The following NELL1 variants were observed in gnomAD, a reference collection of about 807,000 sequenced individuals.
The protein encoded by NELL1 is protein kinase C-binding protein NELL1.
Under a neutral mutation model 107.4 loss-of-function variants are expected in NELL1, and 76 were observed. The ratio of observed to expected loss-of-function variants is 0.71; its 90% CI spans 0.59 to 0.86. The LOEUF (loss-of-function observed/expected upper bound fraction) is 0.86. Ranked by LOEUF, NELL1 falls within the 40% of genes least tolerant of loss-of-function variation. NELL1 has a pLI of 0.00. For synonymous variants in NELL1, 353 were observed against 341.2 expected, an observed-to-expected ratio of 1.03 and a Z score of -0.38; for missense variants, 1,024 against 1,005.5, an observed-to-expected ratio of 1.02 and a Z score of -0.25.
At chr11:20,893,801 C>T (rs868515448) in intron 5 of NELL1, among the ~76,000 whole-genome samples, 2 of 141,590 alleles carry the variant, frequency 1.4e-5, no homozygotes, top group South Asian at 4.4e-4. Flanking sequence ...TTGTATATTG[C>T]TTACAGTGAA....
chr11:21,019,672 C>A (rs1852652841), intron 12 of NELL1, among the ~76,000 whole-genome samples: 1 of 151,976 alleles, frequency 6.6e-6, no homozygotes, highest in African/African-American at 2.4e-5. Context: ...GAGAAGCTCC[C>A]AACAACAACA....
intron 10 of NELL1, among the ~76,000 whole-genome samples, chr11:20,944,073 A>C (rs1471193467): frequency 1.3e-5 from 2 of 152,304 alleles, no homozygotes; most frequent in Non-Finnish European, 2.9e-5. Flanking sequence ...TGCCCTATGG[A>C]ATCTGTTGTA....
chr11:20,737,836 A>G (rs1456352398), intron 2 of NELL1, among the ~76,000 whole-genome samples: 1 of 151,798 alleles, frequency 6.6e-6, no homozygotes. Context: ...GTGGAGAAAA[A>G]ATCAAATTTA....
At chr11:21,464,892 TGCCATTCACTG>T (rs1325667991) in intron 15 of NELL1, among the ~76,000 whole-genome samples, 1 of 152,176 alleles carries the variant, frequency 6.6e-6, no homozygotes, top group Non-Finnish European at 1.5e-5. Flanking sequence ...TTAGAAATAC[TGCCATTCACTG>T]GCCTTCACAG....
At chr11:21,315,669 C>A (rs977736907) in intron 14 of NELL1, among the ~76,000 whole-genome samples, 2 of 152,174 alleles carry the variant, frequency 1.3e-5, no homozygotes, top group African/African-American at 4.8e-5. Flanking sequence ...ATGATTGCCA[C>A]ATTTATGGAG....
intron 4 of NELL1, among the ~76,000 whole-genome samples, chr11:20,855,271 T>A (rs913684032): frequency 1.1e-4 from 16 of 151,892 alleles, no homozygotes; most frequent in African/African-American, 3.9e-4. Flanking sequence ...TTAATTGAAA[T>A]GGAAGATGAG....
In NELL1 at chr11:20,813,006, C is replaced by CAAAAAAA. The variant is rs869187456; in HGVS notation, c.335+29211_335+29217dup. On this transcript the variant is annotated intron_variant, in intron 3 of 19. Coordinates refer to ENST00000357134, the MANE Select transcript of NELL1 (RefSeq NM_006157.5). ...CCTGGGCGACAGCGAGACTCCGTCT[C>CAAAAAAA]AAAAAAAAAAAAAAAAAAAAAAAAA... Among the ~76,000 whole-genome samples, 24 of 61,268 alleles carry CAAAAAAA rather than the reference C, an allele frequency of 3.9e-4. 1 individual carries two copies. Among genetic ancestry groups the CAAAAAAA allele is most frequent in the African/African-American group, 1.2e-3 (18 of 14,482 alleles). 40.2% of individuals were successfully genotyped at this position (61,268 alleles called of 152,430 possible).
chr11:21,360,625 T>G (rs938665250), intron 14 of NELL1, among the ~76,000 whole-genome samples: 2 of 152,180 alleles, frequency 1.3e-5, no homozygotes, highest in African/African-American at 2.4e-5. Context: ...GCCATCTACC[T>G]TATTTCTTAG....
chr11:20,859,314 A>G (rs993922350), intron 4 of NELL1, among the ~76,000 whole-genome samples: 3 of 152,188 alleles, frequency 2.0e-5, no homozygotes, highest in Non-Finnish European at 2.9e-5. Flanking sequence ...TAGATGCTAG[A>G]AGGCTTATGT....
intron 12 of NELL1, among the ~76,000 whole-genome samples, chr11:20,988,098 A>ATT (rs1446513395): frequency 6.6e-6 from 1 of 152,186 alleles, no homozygotes; most frequent in Non-Finnish European, 1.5e-5. Context: ...GGTATCTTCA[A>ATT]TCTGCTATTT....
At position 21,371,076 on chromosome 11, in the gene NELL1, A is replaced by G. The variant is rs540686466; in HGVS notation, c.1645+128A>G. On this transcript the variant is annotated intron_variant, in intron 15 of 19. Coordinates refer to ENST00000357134, the MANE Select transcript of NELL1 (RefSeq NM_006157.5). ...TTGATACATTGTGTTGTGACGGTGG[A>G]TGGAGCTCTCCCAAAGTGGGTACCT... 7.1e-5 allele frequency: 49 copies of G among 691,102 alleles called. 1 individual carries two copies. The South Asian group carries it at 9.9e-4, about 14-fold the overall frequency. The allele number at this position is 691,102 out of a possible 1,614,324, so 42.8% of individuals were successfully genotyped here. A position where few individuals can be genotyped will look rare whatever the true frequency, so the allele number is the denominator to read the frequency against.
At chr11:20,786,368 A>G (rs1856957592) in intron 3 of NELL1, among the ~76,000 whole-genome samples, 1 of 151,944 alleles carries the variant, frequency 6.6e-6, no homozygotes, top group Admixed American at 6.6e-5. Context: ...AAAAGAAAAA[A>G]AAAGGCGGGG....
chr11:21,468,385 G>A lies in NELL1; in HGVS notation c.1646-65989G>A, dbSNP rs542006509. On this transcript the variant is annotated intron_variant, in intron 15 of 19. Coordinates refer to ENST00000357134, the MANE Select transcript of NELL1 (RefSeq NM_006157.5). ...TTAATATCAGTTTTGTTTCTTGTGCGATTGTTTTCTGCCTAACGTTATGTA... is the reference window on the plus strand; with the variant it reads ...TTAATATCAGTTTTGTTTCTTGTGCAATTGTTTTCTGCCTAACGTTATGTA... 5.9e-5 allele frequency among the ~76,000 whole-genome samples: 9 copies of A among 151,860 alleles called. 1 individual carries two copies. In the East Asian group the frequency reaches 7.8e-4, roughly 13 times the overall value.
In NELL1 at chr11:20,936,064, T is replaced by C. The variant is rs1850718539; in HGVS notation, c.998-1722T>C. On this transcript the variant is annotated intron_variant, in intron 9 of 19. Coordinates refer to ENST00000357134, the MANE Select transcript of NELL1 (RefSeq NM_006157.5). ...ACTTTATTAGGAAGTGCTCTCAGGA[T>C]CAATTCTGGGATAGGAATGAGGTGG... 2.0e-5 allele frequency among the ~76,000 whole-genome samples: 3 copies of C among 152,246 alleles called. 1 individual carries two copies. The highest frequency in any genetic ancestry group is 6.8e-3 in the Middle Eastern group (2 of 294).
intron 13 of NELL1, among the ~76,000 whole-genome samples, chr11:21,131,651 G>C (rs1296029051): frequency 6.6e-6 from 1 of 152,044 alleles, no homozygotes; most frequent in Non-Finnish European, 1.5e-5. Context: ...GGGGAGGGAG[G>C]CTTAAATATA....
intron 15 of NELL1, among the ~76,000 whole-genome samples, chr11:21,490,111 A>C (rs972445452): frequency 6.6e-6 from 1 of 152,106 alleles, no homozygotes; most frequent in African/African-American, 2.4e-5. Context: ...GAGAAAATTA[A>C]TATACAAAAA....
At chr11:21,389,510 A>G (rs1006186402) in intron 15 of NELL1, among the ~76,000 whole-genome samples, 1 of 151,776 alleles carries the variant, frequency 6.6e-6, no homozygotes, top group Admixed American at 6.6e-5. Flanking sequence ...TTCTAAGAGT[A>G]CAGAAAGAGG....
At chr11:21,087,114 C>G (rs1565052064) in intron 12 of NELL1, among the ~76,000 whole-genome samples, 1 of 152,176 alleles carries the variant, frequency 6.6e-6, no homozygotes, top group Admixed American at 6.5e-5. Context: ...GCTGGGATTA[C>G]AGGCGTAAGG....
chr11:21,196,746 A>C (rs1428573751), intron 13 of NELL1, among the ~76,000 whole-genome samples: 1 of 152,168 alleles, frequency 6.6e-6, no homozygotes, highest in African/African-American at 2.4e-5. Flanking sequence ...GTATTACAGC[A>C]GGAGATTTGT....
Sources: gnomAD v4.1 joint callset for allele counts (sites outside exome capture counted in the v4.1 genomes callset) on GRCh38, gnomAD v4.1.1 for gene constraint, MANE v1.5 for transcripts, NCBI Gene and HGNC (gene_info 2026-07-23, HGNC 2026-07-21) for gene names.